Variants in MYO1B observed in about 807,000 individuals in gnomAD.
The protein encoded by MYO1B is myosin IB, also known as unconventional myosin-Ib.
In MYO1B, 72 loss-of-function variants were observed where a neutral mutation model predicts 159.7. The observed-to-expected ratio is 0.45, with a 90% CI of 0.37 to 0.55. MYO1B has a LOEUF of 0.55. Ranked by LOEUF, MYO1B falls within the 20% of genes least tolerant of loss-of-function variation. The probability of loss-of-function intolerance (pLI) is 0.00; values close to 1 mark genes in which losing one functional copy is unlikely to be tolerated. For synonymous variants in MYO1B, 468 were observed against 473.8 expected, an observed-to-expected ratio of 0.99 and a Z score of 0.16; for missense variants, 1,062 against 1,364.8, an observed-to-expected ratio of 0.78 and a Z score of 3.50.
intron 7 of MYO1B, among the ~76,000 whole-genome samples, chr2:191,359,886 C>A (rs1045821069): frequency 6.6e-6 from 1 of 152,228 alleles, no homozygotes; most frequent in Non-Finnish European, 1.5e-5. Flanking sequence ...TCATCCCTCC[C>A]TTCCTTCCTC....
At position 191,409,094 on chromosome 2, in the gene MYO1B, A is replaced by G; in HGVS notation, c.2682A>G (p.Pro894=). Reference sequence around the variant, plus strand: ...AAAATAAGATGCCTTCCTTATCTCCAATAGACAAGAATTGGCCCTCAAGAC... The same window carrying G: ...AAAATAAGATGCCTTCCTTATCTCCGATAGACAAGAATTGGCCCTCAAGAC... ...EMKNKMPSLS[P]IDKNWPSRPY... Residue 894 remains proline, a synonymous_variant, in exon 26 of 31, where the codon CCA becomes CCG. Transcript: ENST00000392318. The G allele has an allele frequency of 6.2e-7, 1 of 1,613,446 alleles. No individual in the cohort carries two copies. Among genetic ancestry groups the G allele is most frequent in the Admixed American group, 1.7e-5 (1 of 59,882 alleles).
intron 24 of MYO1B, chr2:191,407,651 T>TTAGCC (rs1697006132): frequency 6.6e-6 from 1 of 152,300 alleles, no homozygotes; most frequent in Non-Finnish European, 1.5e-5. Flanking sequence ...TCAAAGCTTC[T>TTAGCC]ATTTAAATTC....
Position 191,399,227 on chromosome 2 carries a change from C to G in MYO1B, c.2296-1155C>G, listed in dbSNP as rs557741555. ...CTGAGATGGCAGCAGTACCATCCAGCTTTGGCTCGGCATCAGAGGGAGACC... is the reference window on the plus strand; with the variant it reads ...CTGAGATGGCAGCAGTACCATCCAGGTTTGGCTCGGCATCAGAGGGAGACC... On this transcript the variant is annotated intron_variant, in intron 21 of 30. Transcript: ENST00000392318. 9.9e-5 allele frequency among the ~76,000 whole-genome samples: 15 copies of G among 151,800 alleles called. No individual in the cohort carries two copies. In the South Asian group the frequency reaches 2.9e-3, roughly 29 times the overall value.
intron 7 of MYO1B, among the ~76,000 whole-genome samples, chr2:191,356,239 T>C (rs1357484977): frequency 6.6e-6 from 1 of 152,126 alleles, no homozygotes; most frequent in African/African-American, 2.4e-5. Context: ...TGGATATTCG[T>C]TAATAAAGTG....
chr2:191,383,252 T>C (rs775555158), intron 14 of MYO1B, 28 bp from the exon 15 acceptor site: 5 of 1,464,654 alleles, frequency 3.4e-6, no homozygotes, highest in East Asian at 5.1e-5. Context: ...TCTTGTGTCA[T>C]TGGATTTTGT....
chr2:191,326,963 T>C (rs997377037), intron 3 of MYO1B, among the ~76,000 whole-genome samples: 4 of 152,202 alleles, frequency 2.6e-5, no homozygotes, highest in Non-Finnish European at 5.9e-5. Flanking sequence ...GTACGTATTA[T>C]ATATTGGAAA....
intron 2 of MYO1B, among the ~76,000 whole-genome samples, chr2:191,289,646 A>G (rs1688583504): frequency 6.6e-6 from 1 of 152,218 alleles, no homozygotes; most frequent in African/African-American, 2.4e-5. Context: ...GGCTTTAAAA[A>G]TAGATTTTGA....
At chr2:191,372,839 C>A (rs1694445174) in intron 13 of MYO1B, among the ~76,000 whole-genome samples, 1 of 146,826 alleles carries the variant, frequency 6.8e-6, no homozygotes, top group African/African-American at 2.5e-5. Flanking sequence ...ACTGTTTCAA[C>A]TAGAGACTTC....
intron 1 of MYO1B, among the ~76,000 whole-genome samples, chr2:191,260,253 G>GATTTTTTTTTTTTTTTTTTTTT (rs1256549425): frequency 4.4e-5 from 1 of 22,616 alleles, no homozygotes; most frequent in Non-Finnish European, 7.8e-4. Flanking sequence ...TCCCAGATAG[G>GATTTTTTTTTTTTTTTTTTTTT]CTTTTTTTTT....
At chr2:191,311,631 A>T (rs1480879459) in intron 3 of MYO1B, among the ~76,000 whole-genome samples, 2 of 152,226 alleles carry the variant, frequency 1.3e-5, no homozygotes, top group African/African-American at 4.8e-5. Flanking sequence ...GCAGAAGCTT[A>T]TGCATATTTT....
chr2:191,261,974 A>G (rs1686839424), intron 1 of MYO1B, among the ~76,000 whole-genome samples: 1 of 152,160 alleles, frequency 6.6e-6, no homozygotes. Context: ...AAATAAGCCA[A>G]ATTGTCAATC....
intron 1 of MYO1B, among the ~76,000 whole-genome samples, chr2:191,275,137 C>A (rs184037353): frequency 1.3e-5 from 2 of 152,056 alleles, no homozygotes; most frequent in African/African-American, 4.8e-5. Flanking sequence ...AACTCCTGAC[C>A]TCATGATCCA....
rs575534907 is a variant in MYO1B at position 191,286,359 on chromosome 2, C to A, written c.135+9329C>A. Reference sequence around the variant, plus strand: ...GTGTCTTTAAAAAAAAAAAAAAGACCGAGGCCCTCTGCAAGGAAATTTGGG... The same window carrying A: ...GTGTCTTTAAAAAAAAAAAAAAGACAGAGGCCCTCTGCAAGGAAATTTGGG... On this transcript the variant is annotated intron_variant, in intron 2 of 30. Transcript: ENST00000392318. Among the ~76,000 whole-genome samples the A allele has an allele frequency of 3.3e-5, 5 of 151,472 alleles. No individual in the cohort carries two copies. In the East Asian group the frequency reaches 9.7e-4, roughly 29 times the overall value.
intron 3 of MYO1B, among the ~76,000 whole-genome samples, chr2:191,307,299 C>T (rs890244232): frequency 6.6e-5 from 10 of 152,012 alleles, no homozygotes; most frequent in South Asian, 6.2e-4. Context: ...ACTGTCCTGG[C>T]GCTGCTGGTA....
Position 191,251,041 on chromosome 2 carries a change from G to A in MYO1B, c.-10+5415G>A, listed in dbSNP as rs576379296. On this transcript the variant is annotated intron_variant, in intron 1 of 30. Coordinates refer to ENST00000392318, the MANE Select transcript of MYO1B (RefSeq NM_001130158.3). ...TGGTCCAAAGCTAGGAGAATTGGTT[G>A]AACTGCTTCTCAGTTTATCCTTTTC... Among the ~76,000 whole-genome samples, 3 of 152,302 alleles carry A rather than the reference G, an allele frequency of 2.0e-5. No individual in the cohort carries two copies. The East Asian group carries it at 5.8e-4, about 29-fold the overall frequency.
intron 8 of MYO1B, 60 bp downstream of exon 8, chr2:191,360,789 G>GTT (rs1559200100): frequency 2.1e-5 from 27 of 1,290,912 alleles, no homozygotes; most frequent in South Asian, 2.5e-5. Context: ...TGTTGTTGTT[G>GTT]GAGCTGGGAG....
chr2:191,372,879 C>CTT (rs34444520), intron 13 of MYO1B, among the ~76,000 whole-genome samples: 1,574 of 70,138 alleles, frequency 0.022, 312 homozygotes, highest in African/African-American at 0.08. Context: ...GTTATATTTC[C>CTT]TTTTTTTTTT....
At chr2:191,420,306 T>A (rs1574660922) in intron 30 of MYO1B, among the ~76,000 whole-genome samples, 1 of 152,122 alleles carries the variant, frequency 6.6e-6, no homozygotes, top group African/African-American at 2.4e-5. Flanking sequence ...AAAGAAAAAA[T>A]TACCTATAAA....
At chr2:191,411,348 G>A (rs954707854) in intron 27 of MYO1B, among the ~76,000 whole-genome samples, 176 bp downstream of exon 27, 1 of 152,164 alleles carries the variant, frequency 6.6e-6, no homozygotes, top group Non-Finnish European at 1.5e-5. Context: ...GGCTTCTATA[G>A]TGCAGTTTAA....
Sources: allele counts gnomAD v4.1 joint callset (sites outside exome capture counted in the v4.1 genomes callset), GRCh38; gene constraint gnomAD v4.1.1; transcripts MANE v1.5; gene names NCBI Gene and HGNC (gene_info 2026-07-23, HGNC 2026-07-21).